The following PCMT1 variants were observed in gnomAD, a reference collection of about 807,000 sequenced individuals.
PCMT1 encodes protein-L-isoaspartate (D-aspartate) O-methyltransferase, also known as protein-L-isoaspartate(D-aspartate) O-methyltransferase.
In PCMT1, 9 loss-of-function variants were observed where a neutral mutation model predicts 29.2. The observed-to-expected ratio is 0.31, with a 90% CI of 0.19 to 0.54. PCMT1 has a LOEUF of 0.54. Among genes scored for constraint, PCMT1 ranks in the 20% least tolerant of loss-of-function variants. PCMT1 has a pLI of 0.95. For synonymous variants in PCMT1, 98 were observed against 97.5 expected (o/e 1.00, Z -0.03); for missense variants, 184 against 282.2 (o/e 0.65, Z 2.49).
At chr6:149,781,932 C>T (rs1162311301) in intron 3 of PCMT1, among the ~76,000 whole-genome samples, 1 of 152,168 alleles carries the variant, frequency 6.6e-6, no homozygotes, top group Non-Finnish European at 1.5e-5. Context: ...CCCTGGCAAC[C>T]ACCATTCTAT....
chr6:149,786,148 T>G (rs1429109662), intron 3 of PCMT1, among the ~76,000 whole-genome samples: 1 of 97,300 alleles, frequency 1.0e-5, no homozygotes, highest in South Asian at 3.5e-4. Context: ...ACGGGGCGGC[T>G]GGCCGGGCGG....
chr6:149,789,905 A>G (rs1788284866), intron 3 of PCMT1, 49 bp from the exon 4 acceptor site: 2 of 1,254,110 alleles, frequency 1.6e-6, no homozygotes, highest in African/African-American at 1.5e-5. Context: ...TTTATATACC[A>G]TGATGTGTGT....
At chr6:149,780,243 A>C (rs1227742659) in intron 3 of PCMT1, among the ~76,000 whole-genome samples, 1 of 151,332 alleles carries the variant, frequency 6.6e-6, no homozygotes, top group Admixed American at 6.6e-5. Context: ...CTGCAGACTG[A>C]GGTGGAAGGA....
At chr6:149,774,787 A>C (rs1787489331) in intron 3 of PCMT1, among the ~76,000 whole-genome samples, 1 of 149,184 alleles carries the variant, frequency 6.7e-6, no homozygotes, top group African/African-American at 2.5e-5. Flanking sequence ...GCTCACTGCA[A>C]GCTCCGCCTC....
chr6:149,797,540 A>C (rs2115329415), intron 6 of PCMT1: 2 of 152,184 alleles, frequency 1.3e-5, no homozygotes, highest in African/African-American at 4.8e-5. Context: ...AGCCAGGCAC[A>C]GTGGCGCATA....
At chr6:149,783,548 T>TGC (rs1419526336) in intron 3 of PCMT1, among the ~76,000 whole-genome samples, 14 of 152,300 alleles carry the variant, frequency 9.2e-5, no homozygotes, top group Admixed American at 2.6e-4. Context: ...TCCAATATTA[T>TGC]ATACTTCTTA....
chr6:149,749,872 G>A lies in PCMT1; in HGVS notation c.-30G>A. ...GGGCACCGTCGTCGCGCTGAAGGTG[G>A]TTCTGTACCTGCTCCGAGTGTGCTT... On this transcript the variant is annotated 5_prime_UTR_variant, in exon 1 of 8. Coordinates refer to ENST00000464889, the MANE Select transcript of PCMT1 (RefSeq NM_001360452.2). The A allele has an allele frequency of 6.2e-7, 1 of 1,603,512 alleles. No individual in the cohort carries two copies. The highest frequency in any genetic ancestry group is 8.5e-7 in the Non-Finnish European group (1 of 1,175,316).
At chr6:149,774,780 C>G (rs1239728041) in intron 3 of PCMT1, among the ~76,000 whole-genome samples, 1 of 146,428 alleles carries the variant, frequency 6.8e-6, no homozygotes. Flanking sequence ...CATCTTGGCT[C>G]ACTGCAAGCT....
intron 4 of PCMT1, among the ~76,000 whole-genome samples, chr6:149,792,658 G>A (rs62441335): frequency 0.53 from 80,437 of 151,184 alleles, 24,531 homozygotes; most frequent in East Asian, 0.83. Context: ...TGGGACTTAG[G>A]AGGCACATGC....
Position 149,810,992 on chromosome 6 carries a change from T to G in PCMT1, c.*414T>G, listed in dbSNP as rs1175648181. The G allele has an allele frequency of 5.5e-6, 1 of 183,396 alleles. No homozygotes were observed. Among genetic ancestry groups the G allele is most frequent in the Non-Finnish European group, 1.1e-5 (1 of 88,630 alleles). 11.4% of individuals were successfully genotyped at this position (183,396 alleles called of 1,614,324 possible). ...TTCTGATATTAATTTATCAGATTGC[T>G]TTTGTGCATTGGATAACACCACCAT... On this transcript the variant is annotated 3_prime_UTR_variant, in exon 8 of 8. Transcript: ENST00000464889.
intron 1 of PCMT1, among the ~76,000 whole-genome samples, chr6:149,768,711 C>T (rs147116271): frequency 0.011 from 1,707 of 151,980 alleles, 36 homozygotes; most frequent in African/African-American, 0.039. Flanking sequence ...ACTGCAGCCT[C>T]CTTCTCCTGG....
chr6:149,775,032 A>G (rs1165302911), intron 3 of PCMT1, among the ~76,000 whole-genome samples: 1 of 151,928 alleles, frequency 6.6e-6, no homozygotes, highest in African/African-American at 2.4e-5. Flanking sequence ...TTTAATAGAG[A>G]CAGGGTTTCA....
chr6:149,798,964 GAAAA>G (rs1429429963), intron 6 of PCMT1: 1 of 152,006 alleles, frequency 6.6e-6, no homozygotes, highest in Non-Finnish European at 1.5e-5. Flanking sequence ...TTTAAAATAA[GAAAA>G]AAGAACAACC....
At chr6:149,758,884 T>G (rs1310541778) in intron 1 of PCMT1, among the ~76,000 whole-genome samples, 1 of 152,202 alleles carries the variant, frequency 6.6e-6, no homozygotes, top group Non-Finnish European at 1.5e-5. Context: ...GAATTTTTTT[T>G]TTCTTTTTTG....
chr6:149,773,302 C>A, intron 3 of PCMT1, 133 bp downstream of exon 3: 1 of 691,546 alleles, frequency 1.4e-6, no homozygotes, highest in Non-Finnish European at 2.5e-6. Flanking sequence ...TAATGAACAT[C>A]ATTTTCTTTT....
At chr6:149,794,708 G>A (rs1049876419) in intron 5 of PCMT1, 22 of 414,058 alleles carry the variant, frequency 5.3e-5, no homozygotes, top group South Asian at 4.0e-4. Flanking sequence ...AAGTGGAGGT[G>A]TTGCTTGCCT....
chr6:149,786,642 G>A (rs1235250336), intron 3 of PCMT1, among the ~76,000 whole-genome samples: 5 of 148,932 alleles, frequency 3.4e-5, no homozygotes, highest in African/African-American at 5.0e-5. Context: ...AGACGGGGTC[G>A]CGGCCGGGCA....
chr6:149,781,444 C>T (rs1287314076), intron 3 of PCMT1, among the ~76,000 whole-genome samples: 2 of 152,222 alleles, frequency 1.3e-5, no homozygotes, highest in South Asian at 2.1e-4. Context: ...CCAGGCTGGT[C>T]TTGAACTCCT....
At chr6:149,762,988 A>ATGATATGTATATCTG in intron 1 of PCMT1, among the ~76,000 whole-genome samples, 4 of 63,384 alleles carry the variant, frequency 6.3e-5, no homozygotes, top group Admixed American at 2.7e-4. Flanking sequence ...ATATATATCT[A>ATGATATGTATATCTG]TGATATATAT....
Sources: gnomAD v4.1 joint callset for allele counts (sites outside exome capture counted in the v4.1 genomes callset) on GRCh38, gnomAD v4.1.1 for gene constraint, MANE v1.5 for transcripts, NCBI Gene and HGNC (gene_info 2026-07-23, HGNC 2026-07-21) for gene names.